CDH18: variants seen among roughly 807,000 people sequenced by gnomAD.
The protein encoded by CDH18 is cadherin-18.
CDH18 carries 31 observed loss-of-function variants against 67.9 expected under a neutral mutation model. The ratio of observed to expected loss-of-function variants is 0.46; its 90% CI spans 0.34 to 0.62. The LOEUF (loss-of-function observed/expected upper bound fraction) is 0.62. CDH18 is among the 20% of genes least tolerant of loss of function. The pLI, the probability that CDH18 is intolerant of heterozygous loss-of-function variation, is 0.01. For synonymous variants in CDH18, 362 were observed against 347.2 expected (o/e 1.04, Z -0.48); for missense variants, 890 against 975.5 (o/e 0.91, Z 1.17).
intron 7 of CDH18, among the ~76,000 whole-genome samples, chr5:19,574,315 G>A (rs1299900055): frequency 2.6e-5 from 4 of 152,126 alleles, no homozygotes; most frequent in African/African-American, 9.7e-5. Context: ...CTCCAGGGTG[G>A]GGGTAAACAT....
At chr5:20,537,624 A>G (rs28663038) in intron 1 of CDH18, among the ~76,000 whole-genome samples, 2,699 of 152,196 alleles carry the variant, frequency 0.018, 78 homozygotes, top group African/African-American at 0.062. Context: ...AAAATACCTT[A>G]TATCTGTAAG....
intron 1 of CDH18, among the ~76,000 whole-genome samples, chr5:20,503,602 A>G (rs925444495): frequency 6.6e-6 from 1 of 152,202 alleles, no homozygotes; most frequent in Non-Finnish European, 1.5e-5. Context: ...GAGTGGGGCA[A>G]TAGAAGGAGA....
At chr5:20,148,007 T>C (rs1750792092) in intron 2 of CDH18, among the ~76,000 whole-genome samples, 1 of 152,150 alleles carries the variant, frequency 6.6e-6, no homozygotes, top group South Asian at 2.1e-4. Flanking sequence ...CATGTTTGCA[T>C]GTTTAAATAT....
chr5:19,716,933 G>A (rs998998865), intron 5 of CDH18, among the ~76,000 whole-genome samples: 6 of 151,884 alleles, frequency 4.0e-5, no homozygotes, highest in South Asian at 2.1e-4. Flanking sequence ...ACATAAACAC[G>A]CAAATATGAA....
intron 3 of CDH18, among the ~76,000 whole-genome samples, chr5:19,826,034 A>T (rs1265981448): frequency 6.6e-6 from 1 of 152,206 alleles, no homozygotes; most frequent in South Asian, 2.1e-4. Context: ...ATTTTAAGAA[A>T]GAACCAAATG....
intron 2 of CDH18, among the ~76,000 whole-genome samples, chr5:19,995,036 AT>A (rs1489257115): frequency 6.6e-6 from 1 of 151,228 alleles, no homozygotes; most frequent in Non-Finnish European, 1.5e-5. Context: ...AGGAAAAGAT[AT>A]TCCAGCTCAA....
At chr5:20,096,183 G>A (rs1745974965) in intron 2 of CDH18, among the ~76,000 whole-genome samples, 1 of 152,140 alleles carries the variant, frequency 6.6e-6, no homozygotes, top group Admixed American at 6.6e-5. Flanking sequence ...CTTAGTCCAT[G>A]TGTCTTTATG....
intron 11 of CDH18, 24 bp downstream of exon 11, chr5:19,502,968 A>G: frequency 7.6e-7 from 1 of 1,307,964 alleles, no homozygotes. Flanking sequence ...ACATAGATAA[A>G]CAAATATGTG....
chr5:19,918,152 G>A (rs147952499), intron 2 of CDH18, among the ~76,000 whole-genome samples: 3 of 152,228 alleles, frequency 2.0e-5, no homozygotes, highest in Non-Finnish European at 4.4e-5. Context: ...TATGTACATC[G>A]TGTGCCACAA....
intron 2 of CDH18, among the ~76,000 whole-genome samples, chr5:20,131,417 A>G (rs1749256322): frequency 1.3e-5 from 2 of 152,002 alleles, no homozygotes; most frequent in African/African-American, 2.4e-5. Flanking sequence ...AAATACTATT[A>G]TACTATCAAT....
At chr5:20,083,922 T>A (rs1285156546) in intron 2 of CDH18, among the ~76,000 whole-genome samples, 3 of 152,140 alleles carry the variant, frequency 2.0e-5, no homozygotes, top group Non-Finnish European at 4.4e-5. Flanking sequence ...CATTTAGGAA[T>A]TCAAGATGAG....
At chr5:19,755,427 G>GTGTGTATATATATATA (rs1554024291) in intron 3 of CDH18, among the ~76,000 whole-genome samples, 1 of 44,660 alleles carries the variant, frequency 2.2e-5, no homozygotes, top group African/African-American at 6.4e-5. Context: ...AACTAACAGG[G>GTGTGTATATATATATA]TATGTATATA....
At chr5:20,419,478 T>G (rs928880338) in intron 1 of CDH18, among the ~76,000 whole-genome samples, 1 of 79,272 alleles carries the variant, frequency 1.3e-5, no homozygotes, top group Non-Finnish European at 2.7e-5. Flanking sequence ...TTTTTTTTTT[T>G]TTTTTTTTTT....
rs142621670 is a variant in CDH18, at chr5:20,262,583, CA to C, written c.-579-7079del. Among the ~76,000 whole-genome samples the C allele has an allele frequency of 6.0e-3, 919 of 152,132 alleles. 6 individuals carry two copies. Among genetic ancestry groups the C allele is most frequent in the Non-Finnish European group, 9.0e-3 (615 of 68,008 alleles). ...CCCATGGGGATCCCTGAGAGACTGT[CA>C]GGGGTGTTCGAGGCTGAAACTATTT... On this transcript the variant is annotated intron_variant, in intron 1 of 14. Transcript: ENST00000507958.
At chr5:19,961,430 C>T (rs1178715799) in intron 2 of CDH18, among the ~76,000 whole-genome samples, 1 of 151,912 alleles carries the variant, frequency 6.6e-6, no homozygotes, top group Admixed American at 6.6e-5. Flanking sequence ...TCTTATGAGA[C>T]CACCATAATA....
intron 2 of CDH18, among the ~76,000 whole-genome samples, chr5:19,950,143 TA>T (rs1795653041): frequency 6.6e-6 from 1 of 151,780 alleles, no homozygotes; most frequent in South Asian, 2.1e-4. Flanking sequence ...CACATTGGAA[TA>T]AATGTGATAC....
intron 1 of CDH18, among the ~76,000 whole-genome samples, chr5:20,257,919 CTT>C (rs1419452437): frequency 6.6e-6 from 1 of 152,076 alleles, no homozygotes; most frequent in Non-Finnish European, 1.5e-5. Flanking sequence ...AAAGTACACT[CTT>C]AACTGGAGAA....
intron 2 of CDH18, among the ~76,000 whole-genome samples, chr5:20,012,870 A>G (rs1385557315): frequency 1.3e-5 from 2 of 148,490 alleles, no homozygotes; most frequent in Non-Finnish European, 3.0e-5. Context: ...ACACGGACAC[A>G]TAGAGGGGAT....
intron 1 of CDH18, among the ~76,000 whole-genome samples, chr5:20,487,595 A>G (rs905537019): frequency 7.3e-5 from 11 of 151,208 alleles, no homozygotes; most frequent in African/African-American, 2.7e-4. Context: ...GGGGTTTGCT[A>G]TATCTTAAAT....
Sources: allele counts gnomAD v4.1 joint callset (sites outside exome capture counted in the v4.1 genomes callset), GRCh38; gene constraint gnomAD v4.1.1; transcripts MANE v1.5; gene names NCBI Gene and HGNC (gene_info 2026-07-23, HGNC 2026-07-21).